The following NAALADL2 variants were observed in gnomAD, a reference collection of about 807,000 sequenced individuals.
The protein encoded by NAALADL2 is inactive N-acetylated-alpha-linked acidic dipeptidase-like protein 2.
In NAALADL2, 76 loss-of-function variants were observed where a neutral mutation model predicts 87.2. The ratio of observed to expected loss-of-function variants is 0.87; its 90% CI spans 0.72 to 1.05. NAALADL2 has a LOEUF of 1.05. NAALADL2 is among the 50% of genes least tolerant of loss of function. The pLI is 0.00. For missense variants in NAALADL2, 1,089 were observed against 945.8 expected, an observed-to-expected ratio of 1.15 and a Z score of -1.99; for synonymous variants, 354 against 331.0, an observed-to-expected ratio of 1.07 and a Z score of -0.75.
At chr3:174,616,409 A>G (rs1027013756) in intron 2 of NAALADL2, among the ~76,000 whole-genome samples, 2 of 151,982 alleles carry the variant, frequency 1.3e-5, no homozygotes, top group African/African-American at 2.4e-5. Context: ...ATAGGAAGGT[A>G]CTTTTTTGAT....
At chr3:174,468,379 TTTTTC>T (rs1422675579) in intron 1 of NAALADL2, among the ~76,000 whole-genome samples, 34 of 129,436 alleles carry the variant, frequency 2.6e-4, no homozygotes, top group Non-Finnish European at 5.4e-4. Flanking sequence ...TCTTTCTTTC[TTTTTC>T]TTTTTTTTTT....
intron 11 of NAALADL2, among the ~76,000 whole-genome samples, chr3:175,695,734 A>G (rs1453288823): frequency 6.6e-6 from 1 of 152,148 alleles, no homozygotes; most frequent in Non-Finnish European, 1.5e-5. Context: ...ATAGATTTCA[A>G]AGTACAGGAG....
chr3:175,223,555 C>T (rs1743718120), intron 2 of NAALADL2, among the ~76,000 whole-genome samples: 1 of 152,058 alleles, frequency 6.6e-6, no homozygotes. Context: ...GGGTTGTTTT[C>T]ATATCTTGAC....
intron 4 of NAALADL2, among the ~76,000 whole-genome samples, chr3:175,263,014 CA>C (rs905809080): frequency 7.3e-6 from 1 of 136,848 alleles, no homozygotes; most frequent in Non-Finnish European, 1.6e-5. Flanking sequence ...AAAAAAAAAA[CA>C]AAAAACAATG....
chr3:174,645,075 C>A (rs1408101194), intron 2 of NAALADL2, among the ~76,000 whole-genome samples: 2 of 152,074 alleles, frequency 1.3e-5, no homozygotes, highest in Admixed American at 1.3e-4. Context: ...AAGGGCAGCC[C>A]TTGGCCATTT....
chr3:175,703,340 T>A (rs538716705), intron 11 of NAALADL2, among the ~76,000 whole-genome samples: 1 of 152,164 alleles, frequency 6.6e-6, no homozygotes, highest in Non-Finnish European at 1.5e-5. Flanking sequence ...CAAGGTGCTA[T>A]AAGTCTGACA....
intron 2 of NAALADL2, among the ~76,000 whole-genome samples, chr3:175,176,780 G>A (rs1057467653): frequency 7.2e-5 from 11 of 152,048 alleles, no homozygotes; most frequent in African/African-American, 2.4e-4. Flanking sequence ...GACCTTAGAA[G>A]TGGGAAAGGC....
At chr3:174,681,102 C>G (rs1481614647) in intron 2 of NAALADL2, among the ~76,000 whole-genome samples, 1 of 152,130 alleles carries the variant, frequency 6.6e-6, no homozygotes, top group East Asian at 1.9e-4. Flanking sequence ...GAAAGAAACA[C>G]TGGGCAGAAC....
intron 4 of NAALADL2, among the ~76,000 whole-genome samples, chr3:175,285,515 T>A (rs921627362): frequency 6.6e-6 from 1 of 152,168 alleles, no homozygotes; most frequent in Non-Finnish European, 1.5e-5. Context: ...ATACATTCAT[T>A]CCTATTTGAC....
At chr3:175,268,870 T>A (rs972739483) in intron 4 of NAALADL2, among the ~76,000 whole-genome samples, 2 of 152,096 alleles carry the variant, frequency 1.3e-5, no homozygotes, top group African/African-American at 4.8e-5. Flanking sequence ...TCATCTCCTA[T>A]GATAACAATA....
chr3:175,668,777 G>A (rs762199522), intron 11 of NAALADL2, among the ~76,000 whole-genome samples: 18 of 151,922 alleles, frequency 1.2e-4, no homozygotes, highest in South Asian at 2.1e-4. Flanking sequence ...TCAGTTTTCC[G>A]TGCGATATAA....
intron 2 of NAALADL2, among the ~76,000 whole-genome samples, chr3:174,621,529 T>A (rs1419570254): frequency 1.3e-5 from 2 of 152,138 alleles, no homozygotes; most frequent in Non-Finnish European, 2.9e-5. Context: ...AAATAAATGA[T>A]GACCCTTGAG....
At chr3:174,929,430 T>C (rs1187662291) in intron 1 of NAALADL2, among the ~76,000 whole-genome samples, 3 of 152,168 alleles carry the variant, frequency 2.0e-5, no homozygotes, top group Non-Finnish European at 4.4e-5. Flanking sequence ...CTTATTCTCC[T>C]CCTCTAAAAA....
At chr3:175,546,298 G>A (rs556920068) in intron 9 of NAALADL2, among the ~76,000 whole-genome samples, 8 of 151,970 alleles carry the variant, frequency 5.3e-5, no homozygotes, top group East Asian at 1.9e-4. Context: ...CATGTGAGAC[G>A]GGTCTCTTGA....
At chr3:175,302,724 A>G (rs1248804266) in intron 4 of NAALADL2, among the ~76,000 whole-genome samples, 2 of 152,074 alleles carry the variant, frequency 1.3e-5, no homozygotes, top group Non-Finnish European at 2.9e-5. Context: ...GTAGAGAGAT[A>G]TTTTATAAGT....
chr3:175,322,241 G>C (rs1374789715), intron 4 of NAALADL2, among the ~76,000 whole-genome samples: 2 of 150,260 alleles, frequency 1.3e-5, no homozygotes, highest in African/African-American at 4.9e-5. Flanking sequence ...ATGGGGAAAG[G>C]ATTCCCTATT....
intron 2 of NAALADL2, among the ~76,000 whole-genome samples, chr3:175,214,293 GT>G (rs1742189405): frequency 6.6e-6 from 1 of 152,082 alleles, no homozygotes; most frequent in Non-Finnish European, 1.5e-5. Context: ...TTGATACTGT[GT>G]TACCTTTTAC....
intron 2 of NAALADL2, among the ~76,000 whole-genome samples, chr3:174,720,919 T>C (rs182112234): frequency 1.3e-5 from 2 of 152,296 alleles, no homozygotes; most frequent in Admixed American, 1.3e-4. Context: ...GCACAAAATG[T>C]GTGTTTCCGG....
intron 1 of NAALADL2, among the ~76,000 whole-genome samples, chr3:175,006,203 G>A (rs556105970): frequency 6.6e-6 from 1 of 152,214 alleles, no homozygotes; most frequent in South Asian, 2.1e-4. Context: ...CTTTCCAAGA[G>A]GACTCCAGTC....
Sources: allele counts gnomAD v4.1 joint callset (sites outside exome capture counted in the v4.1 genomes callset), GRCh38; gene constraint gnomAD v4.1.1; transcripts MANE v1.5; gene names NCBI Gene and HGNC (gene_info 2026-07-23, HGNC 2026-07-21).